Variants in RSRC1 observed in about 807,000 individuals in gnomAD.
The protein encoded by RSRC1 is arginine and serine rich coiled-coil 1, also known as serine/Arginine-related protein 53.
A neutral mutation model predicts 49.1 loss-of-function variants in RSRC1; 39 were observed. The ratio of observed to expected loss-of-function variants is 0.79; its 90% confidence interval spans 0.61 to 1.04. The LOEUF is 1.04. Ranked by LOEUF, RSRC1 falls within the 50% of genes least tolerant of loss-of-function variation. RSRC1 has a pLI of 0.00. For synonymous variants in RSRC1, 143 were observed against 130.8 expected (o/e 1.09, Z -0.63); for missense variants, 388 against 402.4 (o/e 0.96, Z 0.31).
intron 4 of RSRC1, among the ~76,000 whole-genome samples, chr3:158,284,297 G>A (rs575122327): frequency 3.6e-4 from 55 of 151,696 alleles, no homozygotes; most frequent in Middle Eastern, 6.8e-3. Flanking sequence ...TATCATTGTT[G>A]GACAGTTGGA....
At chr3:158,253,108 C>T (rs997213829) in intron 4 of RSRC1, among the ~76,000 whole-genome samples, 1 of 151,658 alleles carries the variant, frequency 6.6e-6, no homozygotes, top group Admixed American at 6.6e-5. Flanking sequence ...ATTTCTTCTA[C>T]TAATTTGGGG....
intron 6 of RSRC1, among the ~76,000 whole-genome samples, chr3:158,419,270 C>T (rs908939800): frequency 1.3e-5 from 2 of 151,900 alleles, no homozygotes; most frequent in African/African-American, 4.8e-5. Flanking sequence ...CCAGGGTCTT[C>T]CTGATTAGTA....
chr3:158,495,555 G>A (rs1366536168), intron 7 of RSRC1, among the ~76,000 whole-genome samples: 1 of 152,090 alleles, frequency 6.6e-6, no homozygotes, highest in African/African-American at 2.4e-5. Flanking sequence ...CAAAGTGCTG[G>A]GATTACAGGC....
At chr3:158,399,769 A>T (rs980611584) in intron 6 of RSRC1, among the ~76,000 whole-genome samples, 2 of 152,246 alleles carry the variant, frequency 1.3e-5, no homozygotes, top group South Asian at 2.1e-4. Flanking sequence ...CCCATTGTGT[A>T]ACATTGCCTT....
chr3:158,541,999 A>C (rs924275430), intron 8 of RSRC1, among the ~76,000 whole-genome samples: 1 of 152,194 alleles, frequency 6.6e-6, no homozygotes, highest in African/African-American at 2.4e-5. Flanking sequence ...TTGGGAGTCT[A>C]TGGTTTGCAT....
intron 7 of RSRC1, among the ~76,000 whole-genome samples, chr3:158,468,784 T>C (rs1737999853): frequency 6.6e-6 from 1 of 152,132 alleles, no homozygotes; most frequent in African/African-American, 2.4e-5. Context: ...TCTCTTTCTT[T>C]CTTAGCATAA....
At chr3:158,345,098 G>A (rs1730473671) in intron 5 of RSRC1, among the ~76,000 whole-genome samples, 1 of 151,862 alleles carries the variant, frequency 6.6e-6, no homozygotes. Flanking sequence ...CATGGTGTCG[G>A]GCACCTGTAG....
At chr3:158,529,214 G>A (rs868661366) in intron 7 of RSRC1, among the ~76,000 whole-genome samples, 7 of 143,126 alleles carry the variant, frequency 4.9e-5, no homozygotes, top group African/African-American at 1.8e-4. Context: ...ATGTGTGTGT[G>A]TATATATATA....
intron 6 of RSRC1, among the ~76,000 whole-genome samples, chr3:158,448,213 G>A (rs1388164523): frequency 1.3e-5 from 2 of 151,748 alleles, no homozygotes; most frequent in African/African-American, 4.8e-5. Flanking sequence ...TTCCATATCA[G>A]CATTCTGTAA....
At chr3:158,499,651 G>A (rs1324566155) in intron 7 of RSRC1, among the ~76,000 whole-genome samples, 2 of 152,112 alleles carry the variant, frequency 1.3e-5, no homozygotes, top group Non-Finnish European at 2.9e-5. Context: ...TATTGTAAAA[G>A]GGGCTGAGTT....
chr3:158,165,766 C>T (rs1718495720), intron 3 of RSRC1, among the ~76,000 whole-genome samples: 1 of 152,294 alleles, frequency 6.6e-6, no homozygotes, highest in Non-Finnish European at 1.5e-5. Context: ...ATATTTGCTC[C>T]ACTGGAAACA....
chr3:158,392,973 A>G (rs1733401927), intron 6 of RSRC1, among the ~76,000 whole-genome samples: 1 of 152,102 alleles, frequency 6.6e-6, no homozygotes, highest in South Asian at 2.1e-4. Context: ...TGCTAGCCAC[A>G]TTCTTGGACC....
chr3:158,255,876 G>A (rs986140509), intron 4 of RSRC1, among the ~76,000 whole-genome samples: 1 of 152,138 alleles, frequency 6.6e-6, no homozygotes, highest in Admixed American at 6.5e-5. Flanking sequence ...TGTTATTGGT[G>A]TATAGGAATG....
At chr3:158,493,171 G>A (rs1472044685) in intron 7 of RSRC1, among the ~76,000 whole-genome samples, 2 of 152,156 alleles carry the variant, frequency 1.3e-5, no homozygotes, top group African/African-American at 4.8e-5. Flanking sequence ...TTTAACAAAT[G>A]CTGTAAGAAG....
intron 6 of RSRC1, among the ~76,000 whole-genome samples, chr3:158,363,958 G>C (rs1731620760): frequency 6.6e-6 from 1 of 152,130 alleles, no homozygotes; most frequent in African/African-American, 2.4e-5. Context: ...TATACATACT[G>C]TATCCAAGTA....
rs147754588 is a variant in RSRC1, at chr3:158,264,908, A to G, written c.495-33131A>G. On this transcript the variant is annotated intron_variant, in intron 4 of 9. Transcript: ENST00000611884. ...TATGACCACCAGGCAGTAATCTCCA[A>G]TTCTTTGAAATTGTGTTTTCTTTTG... Among the ~76,000 whole-genome samples the G allele has an allele frequency of 1.6e-3, 248 of 152,334 alleles. 3 individuals are homozygous for G. The highest frequency in any genetic ancestry group is 6.7e-3 in the Admixed American group (102 of 15,298).
chr3:158,461,181 A>T (rs1196275803), intron 7 of RSRC1, among the ~76,000 whole-genome samples, 178 bp downstream of exon 7: 2 of 151,882 alleles, frequency 1.3e-5, no homozygotes, highest in Non-Finnish European at 2.9e-5. Flanking sequence ...CTCTCATAAG[A>T]TTAGTTTATA....
Position 158,247,459 on chromosome 3 carries a change from TTTTCAGGGTTTTGCACTGA to T in RSRC1, c.494+44237_494+44255del, listed in dbSNP as rs528927527. On this transcript the variant is annotated intron_variant, in intron 4 of 9. Transcript: ENST00000611884. ...GAAAACGGCAATCTGGCTTTTTGAG[TTTTCAGGGTTTTGCACTGA>T]TTTCAGGGTTTTGCACTGATTTGCA... Among the ~76,000 whole-genome samples the T allele has an allele frequency of 1.7e-3, 256 of 152,214 alleles. 1 individual carries two copies. Among genetic ancestry groups the T allele is most frequent in the South Asian group, 6.0e-3 (29 of 4,818 alleles).
chr3:158,301,076 G>A (rs1578308780), intron 5 of RSRC1, among the ~76,000 whole-genome samples: 1 of 152,006 alleles, frequency 6.6e-6, no homozygotes. Context: ...CAGCCTCTCT[G>A]TTTTTTTCTT....
Sources: allele counts gnomAD v4.1 joint callset (sites outside exome capture counted in the v4.1 genomes callset), GRCh38; gene constraint gnomAD v4.1.1; transcripts MANE v1.5; gene names NCBI Gene and HGNC (gene_info 2026-07-23, HGNC 2026-07-21).